Variants in GLT8D2 observed in about 807,000 individuals in gnomAD.
The protein encoded by GLT8D2 is glycosyltransferase 8 domain containing 2, also known as glycosyltransferase 8 domain-containing protein 2.
In GLT8D2, 45 loss-of-function variants were observed where a neutral mutation model predicts 44.5. The observed-to-expected ratio is 1.01, with a 90% CI of 0.80 to 1.30. The LOEUF is 1.30. GLT8D2 is among the 50% of genes most tolerant of loss of function. The pLI, the probability that GLT8D2 is intolerant of heterozygous loss-of-function variation, is 0.00. For missense variants in GLT8D2, 400 were observed against 430.4 expected, an observed-to-expected ratio of 0.93 and a Z score of 0.62; for synonymous variants, 156 against 157.2, an observed-to-expected ratio of 0.99 and a Z score of 0.06.
At chr12:103,999,170 T>G (rs928562771) in intron 6 of GLT8D2, among the ~76,000 whole-genome samples, 1 of 152,238 alleles carries the variant, frequency 6.6e-6, no homozygotes, top group African/African-American at 2.4e-5. Flanking sequence ...CTACATTTTT[T>G]TAATGCTTCA....
chr12:104,064,237 AG>A (rs1422508499), upstream of GLT8D2: 4 of 267,810 alleles, frequency 1.5e-5, no homozygotes, highest in African/African-American at 2.2e-5. The surrounding 1 kb of genome is among the most constrained non-coding windows in gnomAD (Gnocchi z 7.3). Flanking sequence ...ACGTAAAGGA[AG>A]ATGCTGTGGC....
intron 1 of GLT8D2, 117 bp downstream of exon 1, chr12:104,049,778 G>C (rs1881548490): frequency 6.6e-6 from 1 of 152,194 alleles, no homozygotes; most frequent in Admixed American, 6.5e-5. Context: ...AGTTTGTGTG[G>C]GGCAATCTGA....
At chr12:104,059,499 A>G (rs1882446971) in intron 1 of GLT8D2, among the ~76,000 whole-genome samples, 1 of 152,176 alleles carries the variant, frequency 6.6e-6, no homozygotes, top group Non-Finnish European at 1.5e-5. Context: ...CTCCTCTAGA[A>G]CACATTCTGG....
At position 104,055,876 on chromosome 12, in the gene GLT8D2, A is replaced by T. The variant is rs115745466; in HGVS notation, c.-422-5588T>A. 5.1e-3 allele frequency among the ~76,000 whole-genome samples: 775 copies of T among 152,286 alleles called. 4 individuals carry two copies. Among genetic ancestry groups the T allele is most frequent in the African/African-American group, 0.018 (729 of 41,560 alleles). On this transcript the variant is annotated intron_variant, in intron 1 of 10. Coordinates refer to the GLT8D2 transcript ENST00000548660. The stretch of plus-strand genomic sequence containing the variant: ...TTGTCTCCCATGGCTGGGCTCCAAG[A>T]TCACACATATGGGGCAGGAATTACC...
At chr12:103,989,915 C>T (rs1872509395) in intron 10 of GLT8D2, among the ~76,000 whole-genome samples, 1 of 151,904 alleles carries the variant, frequency 6.6e-6, no homozygotes, top group Admixed American at 6.6e-5. Context: ...AAACTTTCCA[C>T]AGCAGTACAT....
chr12:104,046,291 C>G (rs7306864), intron 1 of GLT8D2, among the ~76,000 whole-genome samples: 5,582 of 152,282 alleles, frequency 0.037, 180 homozygotes, highest in South Asian at 0.084. Context: ...CGTAGCAATT[C>G]TATGTGCTAG....
At chr12:104,059,013 G>A (rs968176042) in intron 1 of GLT8D2, among the ~76,000 whole-genome samples, 1 of 152,180 alleles carries the variant, frequency 6.6e-6, no homozygotes, top group Non-Finnish European at 1.5e-5. Context: ...TCCCAGGCAG[G>A]TAAGAGCGGG....
intron 4 of GLT8D2, among the ~76,000 whole-genome samples, chr12:104,013,412 C>A (rs1031881439): frequency 6.6e-6 from 1 of 152,048 alleles, no homozygotes; most frequent in Non-Finnish European, 1.5e-5. Flanking sequence ...AAAAGTATTT[C>A]ATTGTGTGAG....
intron 1 of GLT8D2, among the ~76,000 whole-genome samples, chr12:104,037,021 G>C (rs141138202): frequency 7.2e-4 from 110 of 152,176 alleles, no homozygotes; most frequent in African/African-American, 2.4e-3. Context: ...ACTCAAAACC[G>C]CACAACTACA....
intron 3 of GLT8D2, among the ~76,000 whole-genome samples, chr12:104,018,575 T>A (rs1255005458): frequency 6.6e-6 from 1 of 152,068 alleles, no homozygotes; most frequent in Non-Finnish European, 1.5e-5. Flanking sequence ...CAGGCCCGAT[T>A]AATATTCACC....
At chr12:104,047,353 G>A (rs1046182705) in intron 1 of GLT8D2, among the ~76,000 whole-genome samples, 5 of 146,854 alleles carry the variant, frequency 3.4e-5, no homozygotes, top group Admixed American at 1.4e-4. Flanking sequence ...TGCCCAGGCT[G>A]GAGTGCAATG....
chr12:104,014,282 G>A (rs1052813460), intron 4 of GLT8D2: 2 of 700,664 alleles, frequency 2.9e-6, no homozygotes, highest in African/African-American at 3.5e-5. Context: ...TTGAGCCCTG[G>A]AGGTCGAGGC....
chr12:103,994,190 C>T, intron 9 of GLT8D2, 145 bp downstream of exon 9: 2 of 651,284 alleles, frequency 3.1e-6, no homozygotes, highest in Non-Finnish European at 4.9e-6. Context: ...TGACTGCCCC[C>T]TTTTCTTTCT....
intron 1 of GLT8D2, among the ~76,000 whole-genome samples, chr12:104,040,059 A>G (rs1880362336): frequency 6.6e-6 from 1 of 152,132 alleles, no homozygotes; most frequent in African/African-American, 2.4e-5. Context: ...AAAACCAAAC[A>G]CTGCATGTTC....
intron 3 of GLT8D2, among the ~76,000 whole-genome samples, chr12:104,019,304 T>A (rs1754041866): frequency 6.6e-6 from 1 of 152,030 alleles, no homozygotes; most frequent in Admixed American, 6.6e-5. Context: ...ATTTTTGTAT[T>A]TTTTGTAGAG....
chr12:104,016,710 A>G lies in GLT8D2; in HGVS notation c.20-1605T>C, dbSNP rs569034660. ...AAGAAAGAAAGAAAGAAAGGGAGAGAGAAAGAAAGAAAGAAAGAAAGAAAG... is the reference window on the plus strand; with the variant it reads ...AAGAAAGAAAGAAAGAAAGGGAGAGGGAAAGAAAGAAAGAAAGAAAGAAAG... On this transcript the variant is annotated intron_variant, in intron 3 of 10. Transcript: ENST00000360814. Among the ~76,000 whole-genome samples, 49 of 29,382 alleles carry G rather than the reference A, an allele frequency of 1.7e-3. 1 individual carries two copies. In the South Asian group the frequency reaches 0.053, roughly 32 times the overall value. The allele number at this position is 29,382 out of a possible 152,430, so 19.3% of individuals were successfully genotyped here.
At chr12:104,035,638 G>A (rs762980328) in intron 1 of GLT8D2, among the ~76,000 whole-genome samples, 8 of 152,092 alleles carry the variant, frequency 5.3e-5, no homozygotes, top group Non-Finnish European at 1.0e-4. Context: ...AAAAAGAAAT[G>A]AACAAAACCT....
intron 10 of GLT8D2, among the ~76,000 whole-genome samples, chr12:103,989,893 T>G (rs1284775714): frequency 6.6e-6 from 1 of 151,994 alleles, no homozygotes; most frequent in Non-Finnish European, 1.5e-5. Context: ...CTTTTAAAAT[T>G]ACTGTCTTGG....
chr12:104,040,470 G>C (rs1880413816), intron 1 of GLT8D2, among the ~76,000 whole-genome samples: 1 of 152,042 alleles, frequency 6.6e-6, no homozygotes, highest in African/African-American at 2.4e-5. Context: ...CTGTCGCCCA[G>C]GCTGGAGTGC....
Sources: allele counts gnomAD v4.1 joint callset (sites outside exome capture counted in the v4.1 genomes callset), GRCh38; gene constraint gnomAD v4.1.1; non-coding constraint Gnocchi (gnomAD v3.1); transcripts MANE v1.5; gene names NCBI Gene and HGNC (gene_info 2026-07-23, HGNC 2026-07-21).